The following TXNDC16 variants were observed in gnomAD, a reference collection of about 807,000 sequenced individuals.
TXNDC16 encodes the protein thioredoxin domain-containing protein 16.
Under a neutral mutation model 85.6 loss-of-function variants are expected in TXNDC16, and 74 were observed. The ratio of observed to expected loss-of-function variants is 0.86; its 90% confidence interval spans 0.72 to 1.05. The LOEUF (loss-of-function observed/expected upper bound fraction) is 1.05, where lower values mean the gene tolerates loss of function less well. Ranked by LOEUF, TXNDC16 falls within the 50% of genes least tolerant of loss-of-function variation. The probability of loss-of-function intolerance (pLI) is 0.00; values close to 1 mark genes in which losing one functional copy is unlikely to be tolerated. For synonymous variants in TXNDC16, 335 were observed against 326.5 expected, an observed-to-expected ratio of 1.03 and a Z score of -0.28; for missense variants, 959 against 947.0, an observed-to-expected ratio of 1.01 and a Z score of -0.17.
At position 52,490,868 on chromosome 14, in the gene TXNDC16, C is replaced by T; in HGVS notation, c.894G>A (p.Leu298=). 6.2e-7 allele frequency: 1 copy of T among 1,611,664 alleles called. No homozygotes were observed. The highest frequency in any genetic ancestry group is 8.5e-7 in the Non-Finnish European group (1 of 1,179,400). Residue 298 remains leucine, a synonymous_variant, in exon 10 of 21, where the codon CTG becomes CTA. Transcript: ENST00000281741. The stretch of plus-strand genomic sequence containing the variant: ...ACAAGAGTAGAACTCCTGCTTTTCC[C>T]AGAAGACGCCAAGCAACCCATTCTG... ...RTAEWVAWRL[L]GKAGVLLLLR...
intron 9 of TXNDC16, among the ~76,000 whole-genome samples, chr14:52,507,876 A>C (rs1031915583): frequency 2.0e-5 from 3 of 152,234 alleles, no homozygotes; most frequent in Non-Finnish European, 4.4e-5. Context: ...AGAAAGCTGA[A>C]ACTGGATCCC....
intron 17 of TXNDC16, among the ~76,000 whole-genome samples, chr14:52,456,245 G>A (rs1053069038): frequency 6.6e-6 from 1 of 152,138 alleles, no homozygotes; most frequent in Non-Finnish European, 1.5e-5. Context: ...TGACCAGTTG[G>A]TTATAAACAA....
chr14:52,526,720 C>A (rs2037343655), intron 6 of TXNDC16, among the ~76,000 whole-genome samples: 1 of 152,222 alleles, frequency 6.6e-6, no homozygotes, highest in African/African-American at 2.4e-5. Flanking sequence ...AATGTGCTGA[C>A]TGATGGCTGG....
At chr14:52,550,993 G>C (rs1216606071) in intron 1 of TXNDC16, among the ~76,000 whole-genome samples, 4 of 152,220 alleles carry the variant, frequency 2.6e-5, no homozygotes, top group African/African-American at 9.6e-5. Context: ...TGTTGGATTA[G>C]GCCTGTTAAC....
At chr14:52,497,811 G>A (rs2036566089) in intron 9 of TXNDC16, among the ~76,000 whole-genome samples, 1 of 150,392 alleles carries the variant, frequency 6.6e-6, no homozygotes, top group Non-Finnish European at 1.5e-5. Flanking sequence ...AACCCAGGAG[G>A]CAGAGGTTGC....
At chr14:52,504,462 G>A (rs1566565357) in intron 9 of TXNDC16, among the ~76,000 whole-genome samples, 1 of 152,086 alleles carries the variant, frequency 6.6e-6, no homozygotes, top group Admixed American at 6.6e-5. Context: ...TTCATATCCA[G>A]CCAAACTAAG....
chr14:52,541,666 GA>G (rs941073135), intron 4 of TXNDC16, among the ~76,000 whole-genome samples: 2 of 152,156 alleles, frequency 1.3e-5, no homozygotes, highest in African/African-American at 4.8e-5. Context: ...AATGAATTAA[GA>G]AAAAATGTAC....
chr14:52,462,614 A>T (rs986086708), intron 16 of TXNDC16, among the ~76,000 whole-genome samples: 16 of 152,186 alleles, frequency 1.1e-4, no homozygotes, highest in Non-Finnish European at 7.3e-5. Flanking sequence ...TGGAAATATA[A>T]GCCACTGTTC....
chr14:52,513,596 A>T (rs1416845385), intron 8 of TXNDC16, among the ~76,000 whole-genome samples: 2 of 152,024 alleles, frequency 1.3e-5, no homozygotes, highest in Admixed American at 6.6e-5. Context: ...AAAGCAAAAA[A>T]ATCTTACAGA....
chr14:52,471,217 C>A (rs1347122712), intron 14 of TXNDC16, among the ~76,000 whole-genome samples: 1 of 152,182 alleles, frequency 6.6e-6, no homozygotes, highest in Non-Finnish European at 1.5e-5. Context: ...TCCCAAGGCC[C>A]TTCATGCCTA....
intron 17 of TXNDC16, among the ~76,000 whole-genome samples, chr14:52,456,120 G>T (rs1222088688): frequency 6.6e-6 from 1 of 152,182 alleles, no homozygotes; most frequent in Non-Finnish European, 1.5e-5. Flanking sequence ...AAAATTACTA[G>T]TGAAGTAGTC....
chr14:52,500,402 A>C (rs577627426), intron 9 of TXNDC16, among the ~76,000 whole-genome samples: 2 of 152,340 alleles, frequency 1.3e-5, no homozygotes, highest in East Asian at 3.9e-4. Flanking sequence ...ATCTACAGTA[A>C]TCAAACTCAT....
At chr14:52,449,204 C>T (rs2035351728) in intron 18 of TXNDC16, among the ~76,000 whole-genome samples, 1 of 151,404 alleles carries the variant, frequency 6.6e-6, no homozygotes, top group Non-Finnish European at 1.5e-5. Flanking sequence ...CTAAAAGAAA[C>T]ACACTTCACC....
intron 20 of TXNDC16, among the ~76,000 whole-genome samples, chr14:52,437,739 T>C (rs1388633849): frequency 6.6e-6 from 1 of 152,164 alleles, no homozygotes; most frequent in Non-Finnish European, 1.5e-5. Context: ...AATAATCTGA[T>C]TTAAAAATTG....
intron 1 of TXNDC16, among the ~76,000 whole-genome samples, chr14:52,546,477 C>G (rs577104611): frequency 2.0e-5 from 3 of 152,136 alleles, no homozygotes; most frequent in Admixed American, 6.6e-5. Flanking sequence ...GAGTTAGTTA[C>G]GACCACCAGA....
At chr14:52,462,584 A>G (rs982676538) in intron 16 of TXNDC16, among the ~76,000 whole-genome samples, 1 of 152,150 alleles carries the variant, frequency 6.6e-6, no homozygotes, top group African/African-American at 2.4e-5. Flanking sequence ...GCCTCCCAAA[A>G]TGCTGGGATT....
At chr14:52,485,840 C>T (rs754612238) in intron 12 of TXNDC16, among the ~76,000 whole-genome samples, 2 of 152,116 alleles carry the variant, frequency 1.3e-5, no homozygotes, top group Non-Finnish European at 2.9e-5. Flanking sequence ...ATGCATTTCT[C>T]AGAAACTATC....
chr14:52,506,864 C>T (rs1447982968), intron 9 of TXNDC16, among the ~76,000 whole-genome samples: 2 of 149,874 alleles, frequency 1.3e-5, no homozygotes, highest in Non-Finnish European at 3.0e-5. Flanking sequence ...CCTTCAACAA[C>T]CCTTCATGCT....
chr14:52,510,516 A>T (rs979825882), intron 9 of TXNDC16, among the ~76,000 whole-genome samples: 3 of 152,208 alleles, frequency 2.0e-5, no homozygotes, highest in African/African-American at 7.2e-5. Context: ...CTACACATCC[A>T]TATGAGTGCA....
Sources: gnomAD v4.1 joint callset for allele counts (sites outside exome capture counted in the v4.1 genomes callset) on GRCh38, gnomAD v4.1.1 for gene constraint, MANE v1.5 for transcripts, NCBI Gene and HGNC (gene_info 2026-07-23, HGNC 2026-07-21) for gene names.